The following RARB variants were observed in gnomAD, a reference collection of about 807,000 sequenced individuals.
RARB encodes retinoic acid receptor beta.
A neutral mutation model predicts 51.9 loss-of-function variants in RARB; 17 were observed. That is an observed-to-expected ratio of 0.33 (90% CI 0.22 to 0.49). RARB has a LOEUF of 0.49. RARB is among the 20% of genes least tolerant of loss of function. The pLI, the probability that RARB is intolerant of heterozygous loss-of-function variation, is 0.99. For synonymous variants in RARB, 215 were observed against 195.4 expected (o/e 1.10, Z -0.84); for missense variants, 369 against 550.8 (o/e 0.67, Z 3.30).
At position 25,473,921 on chromosome 3, in the gene RARB, G is replaced by GAAAAAAAAAAAAAA. The variant is rs533183147; in HGVS notation, c.306+12592_306+12593insAAAAAAAAAAAAAA. The stretch of plus-strand genomic sequence containing the variant: ...TGGAGGTATTTTCTATGTCTGGCAG[G>GAAAAAAAAAAAAAA]AAAAAAAAAAAACCTTTATCTTGGC... On this transcript the variant is annotated intron_variant, in intron 2 of 7. Transcript: ENST00000330688. Among the ~76,000 whole-genome samples the GAAAAAAAAAAAAAA allele has an allele frequency of 2.8e-4, 30 of 108,280 alleles. 1 individual carries two copies. Among genetic ancestry groups the GAAAAAAAAAAAAAA allele is most frequent in the African/African-American group, 9.1e-4 (24 of 26,392 alleles). 71.0% of individuals were successfully genotyped at this position (108,280 alleles called of 152,430 possible).
chr3:24,885,500 C>A (rs1703249887), intron 2 of RARB, among the ~76,000 whole-genome samples: 1 of 152,116 alleles, frequency 6.6e-6, no homozygotes, highest in South Asian at 2.1e-4. Flanking sequence ...AATATTAAAT[C>A]AAGTTGTTTT....
intron 3 of RARB, among the ~76,000 whole-genome samples, chr3:25,562,404 C>T (rs73820519): frequency 0.028 from 4,296 of 152,192 alleles, 219 homozygotes; most frequent in African/African-American, 0.099. Context: ...CATCTCAGCT[C>T]TTATTCATAT....
intron 2 of RARB, among the ~76,000 whole-genome samples, chr3:24,868,858 T>A (rs1023462564): frequency 2.0e-5 from 3 of 152,190 alleles, no homozygotes; most frequent in African/African-American, 7.2e-5. Context: ...CACTTCCAGA[T>A]GGCCTGCCTT....
At chr3:25,136,753 G>A (rs755484982) in intron 4 of RARB, among the ~76,000 whole-genome samples, 1 of 151,970 alleles carries the variant, frequency 6.6e-6, no homozygotes, top group South Asian at 2.1e-4. Context: ...ACCAAAGGAT[G>A]GGGGGAGAGT....
rs57786910 is a variant in RARB at position 25,461,385 on chromosome 3, T to A, written c.306+44T>A. ...GTGCCTGATGAACTCTCATTCTCCA[T>A]GTACTTTATGGAGGTGACCTACCCA... On this transcript the variant is annotated intron_variant, in intron 2 of 7. Transcript: ENST00000330688. 1,429 of 1,597,718 alleles carry A rather than the reference T, an allele frequency of 8.9e-4. 9 individuals are homozygous for A. The African/African-American group carries it at 0.015, about 16-fold the overall frequency.
intron 5 of RARB, among the ~76,000 whole-genome samples, chr3:25,225,025 G>A (rs1702025231): frequency 6.6e-6 from 1 of 152,056 alleles, no homozygotes; most frequent in Admixed American, 6.5e-5. Flanking sequence ...TATAAATCTA[G>A]ATTTATAAAA....
At chr3:25,307,099 T>C (rs943453736) in intron 5 of RARB, among the ~76,000 whole-genome samples, 4 of 152,132 alleles carry the variant, frequency 2.6e-5, no homozygotes, top group Admixed American at 2.6e-4. Context: ...AAAATTATAA[T>C]ATAGATCAGG....
chr3:25,295,833 A>G (rs1703902536), intron 5 of RARB, among the ~76,000 whole-genome samples: 2 of 152,220 alleles, frequency 1.3e-5, no homozygotes, highest in Non-Finnish European at 2.9e-5. Context: ...AGAAAATAAT[A>G]TGTTGAGAAC....
intron 1 of RARB, among the ~76,000 whole-genome samples, chr3:25,450,149 A>G (rs1184300730): frequency 1.3e-5 from 2 of 152,198 alleles, no homozygotes; most frequent in Admixed American, 6.5e-5. Context: ...CCTACAGTAT[A>G]TGCTCCATGA....
In RARB at chr3:25,112,255, A is replaced by C. The variant is rs184527792; in HGVS notation, c.-327-19906A>C. The stretch of plus-strand genomic sequence containing the variant: ...TTTCAGTCCTCATATCACTGGTGAA[A>C]GACTCCACCAAATATAGAGGCCACA... On this transcript the variant is annotated intron_variant, in intron 3 of 11. Coordinates refer to the RARB transcript ENST00000383772. Among the ~76,000 whole-genome samples, 818 of 152,278 alleles carry C rather than the reference A, an allele frequency of 5.4e-3. 4 individuals carry two copies. The highest frequency in any genetic ancestry group is 9.4e-3 in the Non-Finnish European group (641 of 68,024).
At chr3:25,149,102 G>T (rs1700241446) in intron 4 of RARB, among the ~76,000 whole-genome samples, 1 of 152,126 alleles carries the variant, frequency 6.6e-6, no homozygotes, top group Non-Finnish European at 1.5e-5. Flanking sequence ...TAACACTCTT[G>T]AGCAGGGGGA....
At chr3:25,001,070 G>GCC (rs1697149149) in intron 2 of RARB, among the ~76,000 whole-genome samples, 1 of 152,032 alleles carries the variant, frequency 6.6e-6, no homozygotes, top group African/African-American at 2.4e-5. Flanking sequence ...AGTCTCAGTG[G>GCC]CCATACTGTA....
intron 5 of RARB, among the ~76,000 whole-genome samples, chr3:25,199,279 T>G (rs184922866): frequency 7.3e-5 from 11 of 151,416 alleles, no homozygotes; most frequent in Non-Finnish European, 1.5e-4. Context: ...GTGAGTAGAA[T>G]GACAGTCACC....
At chr3:25,584,952 C>T (rs1701325881) in intron 5 of RARB, among the ~76,000 whole-genome samples, 1 of 151,354 alleles carries the variant, frequency 6.6e-6, no homozygotes, top group Non-Finnish European at 1.5e-5. Context: ...TCCCCTCACC[C>T]TCCGCCCCCA....
At chr3:25,255,572 C>G (rs1007370802) in intron 5 of RARB, among the ~76,000 whole-genome samples, 6 of 152,086 alleles carry the variant, frequency 3.9e-5, no homozygotes, top group Admixed American at 2.6e-4. Flanking sequence ...AAAGCTAATA[C>G]TTTATCTTGG....
At chr3:25,189,769 C>T (rs1701053894) in intron 5 of RARB, among the ~76,000 whole-genome samples, 1 of 151,978 alleles carries the variant, frequency 6.6e-6, no homozygotes, top group African/African-American at 2.4e-5. Context: ...CCTGTAATCG[C>T]AGATACTCAG....
upstream of RARB, among the ~76,000 whole-genome samples, chr3:25,423,927 C>T (rs116386563): frequency 2.3e-3 from 353 of 152,236 alleles, 3 homozygotes; most frequent in African/African-American, 8.2e-3. Flanking sequence ...TGGAACCAAC[C>T]GAAACTGTTG....
chr3:25,093,214 A>T (rs993397428), intron 3 of RARB, among the ~76,000 whole-genome samples: 10 of 152,200 alleles, frequency 6.6e-5, no homozygotes, highest in African/African-American at 2.4e-4. Flanking sequence ...CCAGCATTAT[A>T]TAAAGCTGTC....
chr3:25,493,229 A>G (rs184701635), intron 2 of RARB, among the ~76,000 whole-genome samples: 1 of 152,052 alleles, frequency 6.6e-6, no homozygotes. Flanking sequence ...CCTCTCACCC[A>G]TTGTCTTTCA....
Sources: gnomAD v4.1 joint callset for allele counts (sites outside exome capture counted in the v4.1 genomes callset) on GRCh38, gnomAD v4.1.1 for gene constraint, MANE v1.5 for transcripts, NCBI Gene and HGNC (gene_info 2026-07-23, HGNC 2026-07-21) for gene names.